Variants in NBEA observed in about 807,000 individuals in gnomAD.
NBEA encodes the protein neurobeachin, also known as lysosomal-trafficking regulator 2.
NBEA carries 44 observed loss-of-function variants against 343.4 expected under a neutral mutation model. The ratio of observed to expected loss-of-function variants is 0.13; its 90% CI spans 0.10 to 0.16. The LOEUF (loss-of-function observed/expected upper bound fraction) is 0.16. NBEA is among the 10% of genes least tolerant of loss of function. NBEA has a pLI of 1.00. For synonymous variants in NBEA, 1,175 were observed against 1,238.7 expected (o/e 0.95, Z 1.08); for missense variants, 2,555 against 3,631.3 (o/e 0.70, Z 7.62).
intron 30 of NBEA, among the ~76,000 whole-genome samples, chr13:35,190,554 C>T (rs2072109610): frequency 6.6e-6 from 1 of 152,164 alleles, no homozygotes; most frequent in Non-Finnish European, 1.5e-5. Context: ...TAGCTGACCA[C>T]TAGGTTAACT....
At chr13:35,388,989 A>G (rs1299651333) in intron 38 of NBEA, among the ~76,000 whole-genome samples, 2 of 151,222 alleles carry the variant, frequency 1.3e-5, no homozygotes, top group Non-Finnish European at 2.9e-5. Flanking sequence ...TTTTTTTGCT[A>G]AGACTTCTTG....
At chr13:35,096,179 A>T (rs937404562) in intron 10 of NBEA, among the ~76,000 whole-genome samples, 1 of 151,510 alleles carries the variant, frequency 6.6e-6, no homozygotes, top group African/African-American at 2.4e-5. Flanking sequence ...CACCATGTCA[A>T]TTATACCTTA....
intron 36 of NBEA, among the ~76,000 whole-genome samples, chr13:35,329,460 A>G (rs144347341): frequency 1.3e-5 from 2 of 152,012 alleles, no homozygotes; most frequent in East Asian, 1.9e-4. Context: ...CAACAGGTAA[A>G]TGGTTACTCA....
At chr13:35,338,393 A>G (rs1329182101) in intron 36 of NBEA, among the ~76,000 whole-genome samples, 2 of 152,084 alleles carry the variant, frequency 1.3e-5, no homozygotes, top group East Asian at 3.9e-4. Flanking sequence ...ACTAACACTA[A>G]ACTAAAACTG....
chr13:35,612,944 TTAA>T (rs2082588089), intron 48 of NBEA, among the ~76,000 whole-genome samples: 1 of 151,998 alleles, frequency 6.6e-6, no homozygotes, highest in Non-Finnish European at 1.5e-5. Context: ...TAATTGACAA[TTAA>T]TAATTGTTTA....
intron 45 of NBEA, among the ~76,000 whole-genome samples, chr13:35,574,506 T>C (rs935424468): frequency 2.6e-5 from 4 of 151,990 alleles, no homozygotes; most frequent in African/African-American, 9.7e-5. Context: ...ATGTCAGATA[T>C]GAGGAGAGGA....
intron 55 of NBEA, among the ~76,000 whole-genome samples, chr13:35,661,594 A>G (rs2085093160): frequency 6.6e-6 from 1 of 152,148 alleles, no homozygotes; most frequent in South Asian, 2.1e-4. Context: ...GATACTTGGA[A>G]CAGACCTCCA....
intron 8 of NBEA, among the ~76,000 whole-genome samples, chr13:35,065,484 A>G (rs2063618221): frequency 6.6e-6 from 1 of 151,676 alleles, no homozygotes; most frequent in African/African-American, 2.4e-5. Context: ...TTTCATATGT[A>G]GTTTGCATCT....
chr13:35,081,175 T>C (rs1267799522), intron 10 of NBEA, among the ~76,000 whole-genome samples: 2 of 151,872 alleles, frequency 1.3e-5, no homozygotes, highest in Admixed American at 1.3e-4. Context: ...ATAGCAGGAG[T>C]CCTATTTTTC....
intron 35 of NBEA, among the ~76,000 whole-genome samples, chr13:35,308,430 G>A (rs2037046766): frequency 9.4e-6 from 1 of 106,942 alleles, no homozygotes; most frequent in Non-Finnish European, 1.8e-5. Flanking sequence ...CCAAAACACT[G>A]CTATTTACTA....
intron 56 of NBEA, among the ~76,000 whole-genome samples, chr13:35,665,889 A>G (rs191995384): frequency 6.6e-6 from 1 of 152,222 alleles, no homozygotes; most frequent in African/African-American, 2.4e-5. Context: ...CAGCCTCCCA[A>G]ATTGCTGGGA....
chr13:35,082,079 A>C (rs1171271348), intron 10 of NBEA, among the ~76,000 whole-genome samples: 2 of 151,802 alleles, frequency 1.3e-5, no homozygotes, highest in Non-Finnish European at 2.9e-5. Flanking sequence ...TCCCCACCCC[A>C]CAACAGGCCC....
chr13:35,083,662 T>C (rs1421943335), intron 10 of NBEA, among the ~76,000 whole-genome samples: 1 of 152,008 alleles, frequency 6.6e-6, no homozygotes, highest in Non-Finnish European at 1.5e-5. Flanking sequence ...ACATGCCAAA[T>C]TGTAAAGACC....
intron 31 of NBEA, 27 bp downstream of exon 31, chr13:35,196,329 G>A (rs749846831): frequency 1.4e-5 from 21 of 1,540,760 alleles, no homozygotes; most frequent in Non-Finnish European, 1.8e-5. Flanking sequence ...TTATTCACAG[G>A]GCTTTATACA....
intron 41 of NBEA, among the ~76,000 whole-genome samples, chr13:35,484,270 G>GTATATATA (rs1203247087): frequency 4.1e-5 from 5 of 121,970 alleles, no homozygotes; most frequent in South Asian, 2.7e-4. Context: ...GTGTGTGTGT[G>GTATATATA]TGTGTATATA....
rs186635052 is a variant in NBEA, at chr13:35,175,296, A to T, written c.4555-1700A>T. Among the ~76,000 whole-genome samples, 47 of 152,306 alleles carry T rather than the reference A, an allele frequency of 3.1e-4. 1 individual carries two copies. The East Asian group carries it at 8.9e-3, about 29-fold the overall frequency. The stretch of plus-strand genomic sequence containing the variant: ...GAGTGTTTGTATTAATTAGACAAAA[A>T]GTGATAATAGACTGACATGCTTTGA... On this transcript the variant is annotated intron_variant, in intron 27 of 58. Coordinates refer to ENST00000379939, the MANE Select transcript of NBEA (RefSeq NM_001385012.1).
At chr13:35,480,415 A>T (rs116622103) in intron 41 of NBEA, among the ~76,000 whole-genome samples, 2 of 152,118 alleles carry the variant, frequency 1.3e-5, no homozygotes, top group Admixed American at 1.3e-4. Context: ...GTAACCTTTC[A>T]TCTGGAAAAA....
At chr13:35,059,691 A>G (rs539441366) in intron 8 of NBEA, among the ~76,000 whole-genome samples, 4 of 151,680 alleles carry the variant, frequency 2.6e-5, no homozygotes, top group Non-Finnish European at 5.9e-5. Context: ...ATATTAAAAA[A>G]TATTCCCTCT....
intron 53 of NBEA, 36 bp downstream of exon 53, chr13:35,651,912 C>T: frequency 9.0e-7 from 1 of 1,107,354 alleles, no homozygotes; most frequent in Non-Finnish European, 1.3e-6. Context: ...TTCATGGATA[C>T]TATCCATATA....
Sources: allele counts gnomAD v4.1 joint callset (sites outside exome capture counted in the v4.1 genomes callset), GRCh38; gene constraint gnomAD v4.1.1; transcripts MANE v1.5; gene names NCBI Gene and HGNC (gene_info 2026-07-23, HGNC 2026-07-21).